The following USP28 variants were observed in gnomAD, a reference collection of about 807,000 sequenced individuals.
USP28 encodes the protein ubiquitin carboxyl-terminal hydrolase 28.
USP28 carries 113 observed loss-of-function variants against 145.0 expected under a neutral mutation model. That is an observed-to-expected ratio of 0.78 (90% confidence interval 0.67 to 0.91). The LOEUF (loss-of-function observed/expected upper bound fraction) is 0.91. Ranked by LOEUF, USP28 falls within the 40% of genes least tolerant of loss-of-function variation. USP28 has a pLI of 0.00. For missense variants in USP28, 1,201 were observed against 1,289.6 expected, an observed-to-expected ratio of 0.93 and a Z score of 1.05; for synonymous variants, 447 against 450.9, an observed-to-expected ratio of 0.99 and a Z score of 0.11.
chr11:113,809,014 AC>A, intron 17 of USP28, 48 bp downstream of exon 17: 1 of 1,579,088 alleles, frequency 6.3e-7, no homozygotes, highest in Non-Finnish European at 8.6e-7. Flanking sequence ...CTAGGGGAGT[AC>A]AGCATGAGAT....
intron 5 of USP28, among the ~76,000 whole-genome samples, chr11:113,834,722 G>T (rs544535322): frequency 2.6e-5 from 4 of 152,198 alleles, no homozygotes; most frequent in Non-Finnish European, 5.9e-5. Context: ...CCAGCCAAAA[G>T]AAGTAGTTTA....
intron 19 of USP28, 66 bp from the exon 21 acceptor site, chr11:113,805,112 G>A: frequency 1.3e-6 from 2 of 1,484,814 alleles, no homozygotes; most frequent in East Asian, 2.3e-5. Flanking sequence ...AGAAATTGAT[G>A]CCTAGGAGCT....
At chr11:113,872,412 G>A (rs754314654) in intron 1 of USP28, among the ~76,000 whole-genome samples, 14 of 152,032 alleles carry the variant, frequency 9.2e-5, no homozygotes, top group East Asian at 7.8e-4. Flanking sequence ...GCATGAACCC[G>A]GGGGGCGGAG....
intron 12 of USP28, among the ~76,000 whole-genome samples, chr11:113,819,887 T>C (rs1287398307): frequency 6.6e-6 from 1 of 152,152 alleles, no homozygotes; most frequent in African/African-American, 2.4e-5. Flanking sequence ...GCTCGGCTAA[T>C]TCTGTATTTT....
chr11:113,803,836 C>T, exon 22 of USP28: 3 of 1,614,002 alleles, frequency 1.9e-6, no homozygotes, highest in African/African-American at 1.3e-5. Context: ...TTAGGAGATA[C>T]ACAGACACTT....
chr11:113,826,364 T>A (rs1943322237), intron 11 of USP28, among the ~76,000 whole-genome samples: 1 of 78,754 alleles, frequency 1.3e-5, no homozygotes, highest in Non-Finnish European at 3.1e-5. Flanking sequence ...TTTTTTTTTT[T>A]TTGAGACAGG....
At chr11:113,851,327 T>C (rs1946419605) in intron 3 of USP28, among the ~76,000 whole-genome samples, 1 of 152,176 alleles carries the variant, frequency 6.6e-6, no homozygotes, top group South Asian at 2.1e-4. Flanking sequence ...AGCTAGTACT[T>C]AGGAAGGTTC....
At chr11:113,845,408 C>G (rs1004310773) in intron 3 of USP28, among the ~76,000 whole-genome samples, 1 of 151,188 alleles carries the variant, frequency 6.6e-6, no homozygotes. Context: ...TGCACTCCAA[C>G]CTGGGCGAAA....
exon 25 of USP28, chr11:113,799,296 G>T: frequency 6.2e-7 from 1 of 1,614,078 alleles, no homozygotes; most frequent in Non-Finnish European, 8.5e-7. Context: ...GCTGCAAATC[G>T]GCTACATAGG....
chr11:113,836,357 C>T (rs1457635122), intron 5 of USP28, among the ~76,000 whole-genome samples: 1 of 152,146 alleles, frequency 6.6e-6, no homozygotes, highest in Non-Finnish European at 1.5e-5. Flanking sequence ...AGCACCCCAT[C>T]AGCTGCTCTA....
chr11:113,801,693 T>C lies in USP28; in HGVS notation c.2863-15A>G, dbSNP rs569732386. 9.7e-6 allele frequency: 15 copies of C among 1,545,744 alleles called. No homozygotes were observed. In the South Asian group the frequency reaches 9.8e-5, roughly 10 times the overall value. On this transcript the variant is annotated splice_polypyrimidine_tract_variant and intron_variant, in intron 23 of 24. Transcript: ENST00000003302. ...GCATTCAGCTCCTACAGATAAAAGG[T>C]AGAATTAGGTGGGGAAGAGTCTGAA...
chr11:113,799,989 T>C (rs1005921929), intron 24 of USP28, among the ~76,000 whole-genome samples: 1 of 152,120 alleles, frequency 6.6e-6, no homozygotes, highest in East Asian at 1.9e-4. Flanking sequence ...ACTTAAACAC[T>C]TGAACAAGTC....
At position 113,801,794 on chromosome 11, in the gene USP28, A is replaced by G. The variant is rs2135097452; in HGVS notation, c.2863-116T>C. The G allele has an allele frequency of 3.7e-6, 3 of 811,970 alleles. No homozygotes were observed. In the South Asian group the frequency reaches 9.9e-5, roughly 27 times the overall value. 50.3% of individuals were successfully genotyped at this position (811,970 alleles called of 1,614,324 possible). On this transcript the variant is annotated intron_variant, in intron 23 of 24. Transcript: ENST00000003302. ...TACTGCACATTGGATGTACTTAGGG[A>G]TCTTTAAAAACTACTGATGCCTGGT...
intron 1 of USP28, among the ~76,000 whole-genome samples, chr11:113,861,760 C>T (rs1188753135): frequency 6.6e-6 from 1 of 152,118 alleles, no homozygotes; most frequent in African/African-American, 2.4e-5. Flanking sequence ...TGTCCTATAC[C>T]TTGCTTTTTC....
intron 3 of USP28, 80 bp from the exon 4 acceptor site, chr11:113,841,848 T>C: frequency 1.1e-6 from 1 of 926,106 alleles, no homozygotes; most frequent in Non-Finnish European, 1.6e-6. Flanking sequence ...GGTAAAGACA[T>C]ACTCCCTAGC....
At chr11:113,842,489 G>A (rs1283632436) in intron 3 of USP28, among the ~76,000 whole-genome samples, 1 of 151,904 alleles carries the variant, frequency 6.6e-6, no homozygotes, top group Non-Finnish European at 1.5e-5. Flanking sequence ...GGAGGTTGAG[G>A]TGGGAGAATG....
chr11:113,831,448 T>C (rs892787393), intron 8 of USP28, among the ~76,000 whole-genome samples: 2 of 152,338 alleles, frequency 1.3e-5, no homozygotes, highest in African/African-American at 4.8e-5. Flanking sequence ...CTACCTAGAA[T>C]TGAAACCATT....
intron 18 of USP28, chr11:113,808,030 T>A: frequency 1.6e-6 from 2 of 1,261,034 alleles, no homozygotes; most frequent in Non-Finnish European, 2.0e-6. Context: ...GACCTCAGAA[T>A]TAGGCTGGGC....
chr11:113,868,702 C>G (rs1948528963), intron 1 of USP28, among the ~76,000 whole-genome samples: 2 of 152,126 alleles, frequency 1.3e-5, no homozygotes, highest in Admixed American at 1.3e-4. Flanking sequence ...GGGAGGATCA[C>G]TGGAGCGCGG....
Sources: allele counts gnomAD v4.1 joint callset (sites outside exome capture counted in the v4.1 genomes callset), GRCh38; gene constraint gnomAD v4.1.1; transcripts MANE v1.5; gene names NCBI Gene and HGNC (gene_info 2026-07-23, HGNC 2026-07-21).